The following LIN28B variants were observed in gnomAD, a reference collection of about 807,000 sequenced individuals.
LIN28B encodes protein lin-28 homolog B.
A neutral mutation model predicts 21.9 loss-of-function variants in LIN28B; 5 were observed. The ratio of observed to expected loss-of-function variants is 0.23; its 90% confidence interval spans 0.12 to 0.48. The LOEUF (loss-of-function observed/expected upper bound fraction) is 0.48, where lower values mean the gene tolerates loss of function less well. Among genes scored for constraint, LIN28B ranks in the 20% least tolerant of loss-of-function variants. The probability of loss-of-function intolerance (pLI) is 0.98; values close to 1 mark genes in which losing one functional copy is unlikely to be tolerated. For missense variants in LIN28B, 245 were observed against 310.5 expected (o/e 0.79, Z 1.58); for synonymous variants, 109 against 111.3 (o/e 0.98, Z 0.13).
chr6:105,001,338 T>C (rs963087888), intron 2 of LIN28B, among the ~76,000 whole-genome samples: 1 of 152,218 alleles, frequency 6.6e-6, no homozygotes, highest in Non-Finnish European at 1.5e-5. Context: ...ATACTGAAGA[T>C]GACTGTCAGT....
At position 105,050,608 on chromosome 6, in the gene LIN28B, C is replaced by CAAAAAAAAA. The variant is rs61464567; in HGVS notation, c.383+24144_383+24152dup. Among the ~76,000 whole-genome samples, 158 of 47,426 alleles carry CAAAAAAAAA rather than the reference C, an allele frequency of 3.3e-3. 14 individuals carry two copies. Among genetic ancestry groups the CAAAAAAAAA allele is most frequent in the Middle Eastern group, 0.028 (1 of 36 alleles). 31.1% of individuals were successfully genotyped at this position (47,426 alleles called of 152,430 possible). On this transcript the variant is annotated intron_variant, in intron 3 of 3. Coordinates refer to ENST00000345080, the MANE Select transcript of LIN28B (RefSeq NM_001004317.4). ...TGGGCGACAGAGCGAGACTCCGTCT[C>CAAAAAAAAA]AAAAAAAAAAAAAAAAAAAAAAAAA...
chr6:105,003,478 C>T (rs1770756869), intron 2 of LIN28B, among the ~76,000 whole-genome samples: 1 of 151,888 alleles, frequency 6.6e-6, no homozygotes, highest in Non-Finnish European at 1.5e-5. Context: ...GAGATTAGAT[C>T]TCTCTCTCTT....
intron 2 of LIN28B, among the ~76,000 whole-genome samples, chr6:104,998,074 A>C (rs554734952): frequency 1.3e-5 from 2 of 152,358 alleles, no homozygotes; most frequent in East Asian, 1.9e-4. Context: ...TTTAGTCATA[A>C]TTAGAATAGT....
At chr6:105,003,277 G>A (rs555139874) in intron 2 of LIN28B, among the ~76,000 whole-genome samples, 1 of 152,306 alleles carries the variant, frequency 6.6e-6, no homozygotes, top group East Asian at 1.9e-4. Context: ...CGGCAAGTGA[G>A]GGAGTGATTC....
intron 3 of LIN28B, among the ~76,000 whole-genome samples, chr6:105,039,399 A>G: frequency 6.6e-6 from 1 of 152,352 alleles, no homozygotes; most frequent in East Asian, 1.9e-4. Context: ...TATGGCAGTT[A>G]AAGTGAACAT....
chr6:105,076,421 A>C (rs774292702), intron 3 of LIN28B, among the ~76,000 whole-genome samples: 2 of 152,230 alleles, frequency 1.3e-5, no homozygotes, highest in Non-Finnish European at 2.9e-5. Flanking sequence ...AATTTATGCC[A>C]GGAGATAAAA....
intron 2 of LIN28B, among the ~76,000 whole-genome samples, chr6:105,024,219 T>G (rs1771237966): frequency 1.3e-5 from 2 of 152,168 alleles, no homozygotes; most frequent in African/African-American, 4.8e-5. Context: ...CTTGAACTCC[T>G]GACCTCAGGT....
At chr6:105,065,757 C>T (rs1772207928) in intron 3 of LIN28B, among the ~76,000 whole-genome samples, 1 of 152,184 alleles carries the variant, frequency 6.6e-6, no homozygotes, top group Admixed American at 6.6e-5. Context: ...TAAATCATAC[C>T]AGGCACTGTG....
chr6:104,992,664 T>C (rs1043048583), intron 2 of LIN28B, among the ~76,000 whole-genome samples: 1 of 151,968 alleles, frequency 6.6e-6, no homozygotes, highest in East Asian at 1.9e-4. Flanking sequence ...TGCCACCACA[T>C]CTGGATAATT....
intron 3 of LIN28B, among the ~76,000 whole-genome samples, chr6:105,065,363 A>G (rs9486034): frequency 0.023 from 3,527 of 152,358 alleles, 139 homozygotes; most frequent in African/African-American, 0.081. Context: ...AGAGAAGATA[A>G]TATCACAGTT....
chr6:104,971,388 A>G (rs866138671), intron 2 of LIN28B, among the ~76,000 whole-genome samples: 6 of 152,172 alleles, frequency 3.9e-5, no homozygotes, highest in Admixed American at 2.0e-4. Flanking sequence ...ATTTGGTCAT[A>G]TGATCTTCCT....
chr6:105,017,903 A>T (rs1351449877), intron 2 of LIN28B, among the ~76,000 whole-genome samples: 1 of 152,242 alleles, frequency 6.6e-6, no homozygotes, highest in Non-Finnish European at 1.5e-5. Flanking sequence ...AAAGAAGTTG[A>T]AATTTGAAAA....
chr6:104,943,946 C>T (rs1178546808), intron 2 of LIN28B, among the ~76,000 whole-genome samples: 1 of 152,062 alleles, frequency 6.6e-6, no homozygotes, highest in African/African-American at 2.4e-5. Context: ...TATACATGTA[C>T]ATTATTGTGT....
chr6:105,063,776 G>A (rs1289150606), intron 3 of LIN28B, among the ~76,000 whole-genome samples: 1 of 151,608 alleles, frequency 6.6e-6, no homozygotes. Flanking sequence ...GCTGCACTGT[G>A]CTACAGTCAT....
intron 3 of LIN28B, among the ~76,000 whole-genome samples, chr6:105,048,780 C>G (rs1050653737): frequency 5.3e-5 from 8 of 152,166 alleles, no homozygotes; most frequent in African/African-American, 1.9e-4. Context: ...TCCATTTCTT[C>G]TAGATTTTCT....
At position 105,038,734 on chromosome 6, in the gene LIN28B, A is replaced by G. The variant is rs564627280; in HGVS notation, c.383+12252A>G. Among the ~76,000 whole-genome samples the G allele has an allele frequency of 6.0e-4, 91 of 152,356 alleles. 1 individual carries two copies. Among genetic ancestry groups the G allele is most frequent in the African/African-American group, 1.9e-3 (80 of 41,582 alleles). On this transcript the variant is annotated intron_variant, in intron 3 of 3. Transcript: ENST00000345080. ...TTTCCAGTGCATGTAATTGATAAAT[A>G]ATTAATATCCAAAAAGCACTACAAA...
chr6:104,945,752 C>T (rs1030880479), intron 2 of LIN28B, among the ~76,000 whole-genome samples: 1 of 152,100 alleles, frequency 6.6e-6, no homozygotes, highest in Non-Finnish European at 1.5e-5. Flanking sequence ...GCAAAACTAA[C>T]TGTGCTGTGG....
chr6:105,031,282 G>C (rs1253392943), intron 3 of LIN28B, among the ~76,000 whole-genome samples: 1 of 151,994 alleles, frequency 6.6e-6, no homozygotes, highest in Non-Finnish European at 1.5e-5. Context: ...GCTGGTTTCT[G>C]TGTCCTTTTG....
chr6:105,073,229 T>C (rs1045477454), intron 3 of LIN28B, among the ~76,000 whole-genome samples: 1 of 152,212 alleles, frequency 6.6e-6, no homozygotes, highest in African/African-American at 2.4e-5. Context: ...ATAATAGAGC[T>C]GAGGAATGTT....
Sources: gnomAD v4.1 joint callset for allele counts (sites outside exome capture counted in the v4.1 genomes callset) on GRCh38, gnomAD v4.1.1 for gene constraint, MANE v1.5 for transcripts, NCBI Gene and HGNC (gene_info 2026-07-23, HGNC 2026-07-21) for gene names.